The following CDH19 variants were observed in gnomAD, a reference collection of about 807,000 sequenced individuals.
CDH19 encodes the protein cadherin-19.
A neutral mutation model predicts 64.2 loss-of-function variants in CDH19; 67 were observed. The ratio of observed to expected loss-of-function variants is 1.04; its 90% CI spans 0.86 to 1.28. The LOEUF (loss-of-function observed/expected upper bound fraction) is 1.28, where lower values mean the gene tolerates loss of function less well. CDH19 is among the 50% of genes most tolerant of loss of function. The pLI, the probability that CDH19 is intolerant of heterozygous loss-of-function variation, is 0.00. For missense variants in CDH19, 1,030 were observed against 929.0 expected (o/e 1.11, Z -1.41); for synonymous variants, 346 against 319.3 (o/e 1.08, Z -0.89).
Position 66,568,423 on chromosome 18 carries a change from A to T in CDH19, c.483T>A (p.Ser161=). The T allele has an allele frequency of 6.2e-7, 1 of 1,608,896 alleles. No homozygotes were observed. The highest frequency in any genetic ancestry group is 1.1e-5 in the South Asian group (1 of 90,866). ...EPYEAIVPEM[S]PEGTLVIQVT... ...TAAATTAATATGCAATACCTTCTGG[A>T]GACATCTCTGGTACAATGGCCTCAT... The change falls in exon 3 of 12, where the codon TCT becomes TCA. Residue 161 remains serine, a synonymous_variant. Coordinates refer to ENST00000262150, the MANE Select transcript of CDH19 (RefSeq NM_021153.4).
At chr18:66,535,912 C>T (rs865851177) in intron 7 of CDH19, among the ~76,000 whole-genome samples, 3 of 145,228 alleles carry the variant, frequency 2.1e-5, no homozygotes, top group South Asian at 2.1e-4. Context: ...TATATTTTTA[C>T]ATATAATATA....
At position 66,554,525 on chromosome 18, in the gene CDH19, C is replaced by T. The variant is rs1987450996; in HGVS notation, c.491-1G>A. On this transcript the variant is annotated splice_acceptor_variant, in intron 3 of 11. Coordinates refer to ENST00000262150, the MANE Select transcript of CDH19 (RefSeq NM_021153.4). LOFTEE classifies it high-confidence loss of function. ...GCTGTCACCTGGATAACTAATGTTCCTAAAGAGAACATAATACAGGAAATT... is the reference window on the plus strand; with the variant it reads ...GCTGTCACCTGGATAACTAATGTTCTTAAAGAGAACATAATACAGGAAATT... The T allele has an allele frequency of 1.2e-6, 2 of 1,609,220 alleles. No individual in the cohort carries two copies.
At position 66,504,865 on chromosome 18, in the gene CDH19, GA is replaced by G; in HGVS notation, c.2265del (p.Arg756AlafsTer5). On this transcript the variant is annotated frameshift_variant, in exon 12 of 12. Transcript: ENST00000262150. LOFTEE classifies it high-confidence loss of function. ...ESYDYLNELG[P>X]RFKRLACMFG... is the part of the protein sequence containing the mutation. Reference sequence around the variant, plus strand: ...AACATGCATGCTAATCTTTTAAAGCGAGGTCCCAACTCATTAAGGTAATCAT... The same window carrying G: ...AACATGCATGCTAATCTTTTAAAGCGGGTCCCAACTCATTAAGGTAATCAT... 6.2e-7 allele frequency: 1 copy of G among 1,610,290 alleles called. No homozygotes were observed.
chr18:66,575,678 A>AG (rs1988245397), intron 1 of CDH19, among the ~76,000 whole-genome samples: 1 of 151,882 alleles, frequency 6.6e-6, no homozygotes, highest in African/African-American at 2.4e-5. Flanking sequence ...TCAGCACACA[A>AG]GGGGAACTAC....
chr18:66,591,652 G>A (rs1386208024), intron 1 of CDH19, among the ~76,000 whole-genome samples: 8 of 151,738 alleles, frequency 5.3e-5, no homozygotes, highest in East Asian at 1.9e-4. Flanking sequence ...TCACTGTCAC[G>A]TCCGAATATA....
intron 2 of CDH19, among the ~76,000 whole-genome samples, chr18:66,569,949 T>A (rs1294699600): frequency 2.0e-5 from 3 of 151,690 alleles, no homozygotes; most frequent in Non-Finnish European, 3.0e-5. Context: ...CTGAAGGTAC[T>A]AGTAACTAAT....
At chr18:66,596,118 C>T (rs1988881397) in intron 1 of CDH19, 1 of 151,966 alleles carries the variant, frequency 6.6e-6, no homozygotes, top group South Asian at 2.1e-4. Flanking sequence ...AATATCTCTT[C>T]ATATTAAAAA....
chr18:66,583,376 A>G (rs1988481698), intron 1 of CDH19, among the ~76,000 whole-genome samples: 1 of 151,998 alleles, frequency 6.6e-6, no homozygotes, highest in African/African-American at 2.4e-5. Context: ...GTACATTTGC[A>G]CGTTTGTTAT....
rs1270792704 is a variant in CDH19 at position 66,502,146 on chromosome 18, A to G, written c.*2666T>C. ...TTGCAACACCCATGTGATGCAAAAC[A>G]TAAAATAATTATTGAATATAATACA... On this transcript the variant is annotated 3_prime_UTR_variant, in exon 12 of 12. Transcript: ENST00000262150. The G allele has an allele frequency of 6.6e-6, 1 of 152,142 alleles. No individual in the cohort carries two copies. Among genetic ancestry groups the G allele is most frequent in the East Asian group, 1.9e-4 (1 of 5,190 alleles). The allele number at this position is 152,142 out of a possible 1,614,324, so 9.4% of individuals were successfully genotyped here. A position where few individuals can be genotyped will look rare whatever the true frequency, so the allele number is the denominator to read the frequency against.
At chr18:66,521,842 C>A (rs958070944) in intron 9 of CDH19, among the ~76,000 whole-genome samples, 6 of 151,990 alleles carry the variant, frequency 3.9e-5, no homozygotes, top group African/African-American at 1.2e-4. Flanking sequence ...AGCCATCACC[C>A]CCTGCCTGCC....
At chr18:66,518,593 T>A (rs1365872896) in intron 9 of CDH19, among the ~76,000 whole-genome samples, 2 of 152,162 alleles carry the variant, frequency 1.3e-5, no homozygotes, top group Non-Finnish European at 2.9e-5. Flanking sequence ...GTATATAATT[T>A]TTATGTGTAT....
chr18:66,569,512 C>A (rs1988032821), intron 2 of CDH19, among the ~76,000 whole-genome samples: 1 of 151,588 alleles, frequency 6.6e-6, no homozygotes, highest in African/African-American at 2.4e-5. Context: ...ATAAAACTTT[C>A]TTCTCAATAT....
At chr18:66,574,088 T>C (rs1314174312) in intron 1 of CDH19, among the ~76,000 whole-genome samples, 1 of 151,756 alleles carries the variant, frequency 6.6e-6, no homozygotes, top group Non-Finnish European at 1.5e-5. Flanking sequence ...TTTGGTACAT[T>C]TCTCAATTCT....
intron 1 of CDH19, among the ~76,000 whole-genome samples, chr18:66,598,312 C>G (rs1488296204): frequency 6.6e-6 from 1 of 152,104 alleles, no homozygotes; most frequent in African/African-American, 2.4e-5. Flanking sequence ...TACCATTCAA[C>G]TCAGCAATCC....
chr18:66,518,686 A>G (rs1224983150), intron 9 of CDH19, among the ~76,000 whole-genome samples: 1 of 152,134 alleles, frequency 6.6e-6, no homozygotes, highest in Non-Finnish European at 1.5e-5. Context: ...TATTTTTAGG[A>G]AAGTTTAAAT....
intron 9 of CDH19, among the ~76,000 whole-genome samples, chr18:66,521,969 C>T (rs1986011057): frequency 6.7e-6 from 1 of 148,628 alleles, no homozygotes; most frequent in Non-Finnish European, 1.5e-5. Flanking sequence ...TGTTTCGAGA[C>T]GGAGTTTCTC....
At chr18:66,538,612 T>A (rs533714403) in intron 7 of CDH19, among the ~76,000 whole-genome samples, 67 of 152,216 alleles carry the variant, frequency 4.4e-4, no homozygotes, top group South Asian at 8.3e-4. Context: ...GGTTTTCATG[T>A]CAAAATAAAT....
At chr18:66,535,930 T>G (rs1318740574) in intron 7 of CDH19, among the ~76,000 whole-genome samples, 1 of 147,014 alleles carries the variant, frequency 6.8e-6, no homozygotes, top group East Asian at 1.9e-4. Flanking sequence ...ATATATGTTT[T>G]ATATATATAC....
chr18:66,551,231 T>C lies in CDH19; in HGVS notation c.638A>G (p.Asp213Gly), dbSNP rs762182048. 1.3e-6 allele frequency: 2 copies of C among 1,543,952 alleles called. No homozygotes were observed. The highest frequency in any genetic ancestry group is 2.3e-5 in the East Asian group (1 of 44,364). The change falls in exon 5 of 12, where the codon GAT (aspartate) becomes GGT (glycine). Residue 213 changes from aspartate (D) to glycine (G), a missense_variant. Coordinates refer to ENST00000262150, the MANE Select transcript of CDH19 (RefSeq NM_021153.4). ...CCAATACTCATCTTGCAGTTCTCTA[T>C]CCATTTTAGAAGATATTCTTATGAC... The part of the protein sequence containing the change: ...TGVIRISSKM[D>G]RELQDEYWVI...
Sources: gnomAD v4.1 joint callset for allele counts (sites outside exome capture counted in the v4.1 genomes callset) on GRCh38, gnomAD v4.1.1 for gene constraint, MANE v1.5 for transcripts, NCBI Gene and HGNC (gene_info 2026-07-23, HGNC 2026-07-21) for gene names.